Variants in FRMPD4 observed in about 807,000 individuals in gnomAD.
FRMPD4 encodes the protein FERM and PDZ domain containing 4, also known as FERM and PDZ domain-containing protein 4.
In FRMPD4, 22 loss-of-function variants were observed where a neutral mutation model predicts 94.1. That is an observed-to-expected ratio of 0.23 (90% confidence interval 0.17 to 0.33). The LOEUF is 0.33. Among genes scored for constraint, FRMPD4 ranks in the 10% least tolerant of loss-of-function variants. FRMPD4 has a pLI of 1.00. For synonymous variants in FRMPD4, 631 were observed against 548.6 expected (o/e 1.15, Z -2.10); for missense variants, 1,111 against 1,339.9 (o/e 0.83, Z 2.67).
At chrX:12,351,857 T>C (rs144930826) in intron 1 of FRMPD4, among the ~76,000 whole-genome samples, 1,200 of 112,957 alleles carry the variant, frequency 0.011, 11 homozygotes, top group Non-Finnish European at 0.017. Flanking sequence ...GTTATAGAAT[T>C]CTATTGAATG....
intron 1 of FRMPD4, among the ~76,000 whole-genome samples, chrX:12,208,298 A>G (rs1210469536): frequency 9.0e-6 from 1 of 110,824 alleles, no homozygotes; most frequent in Non-Finnish European, 1.9e-5. Flanking sequence ...CCTTGTCTCC[A>G]TAAAAAAGGA....
At chrX:12,315,162 A>C (rs1246368170) in intron 1 of FRMPD4, among the ~76,000 whole-genome samples, 1 of 112,173 alleles carries the variant, frequency 8.9e-6, no homozygotes, top group Non-Finnish European at 1.9e-5. Flanking sequence ...TTATAAATTT[A>C]ACTTGTGCCG....
intron 1 of FRMPD4, among the ~76,000 whole-genome samples, chrX:12,274,725 G>A (rs752450782): frequency 8.9e-6 from 1 of 112,686 alleles, no homozygotes; most frequent in Non-Finnish European, 1.9e-5. Flanking sequence ...AACATGTACA[G>A]AAGGCGGGGC....
At chrX:12,139,282 G>A (rs927222820) in intron 1 of FRMPD4, among the ~76,000 whole-genome samples, 1 of 111,371 alleles carries the variant, frequency 9.0e-6, no homozygotes, top group Non-Finnish European at 1.9e-5. Context: ...CTAAGGAAAA[G>A]CCCCAGCGGT....
At chrX:11,884,247 C>A (rs952603232) in intron 3 of FRMPD4, among the ~76,000 whole-genome samples, 1 of 112,284 alleles carries the variant, frequency 8.9e-6, no homozygotes, top group Non-Finnish European at 1.9e-5. Context: ...ATGTTAATTT[C>A]ACCTTTAAAA....
Position 12,581,785 on chromosome X carries a change from T to A in FRMPD4, c.159-27936T>A, listed in dbSNP as rs1866351. Among the ~76,000 whole-genome samples the A allele has an allele frequency of 3.3e-3, 366 of 112,005 alleles. 1 individual carries two copies. The highest frequency in any genetic ancestry group is 0.014 in the Middle Eastern group (3 of 216). ...TGAGGCCTTTGCATTTGCAGTTCCC[T>A]CTGCCAAGAATGCCCTTCTCTCAGG... On this transcript the variant is annotated intron_variant, in intron 2 of 16. Coordinates refer to ENST00000675598, the MANE Select transcript of FRMPD4 (RefSeq NM_001368397.1).
chrX:12,569,968 G>A (rs951141829), intron 2 of FRMPD4, among the ~76,000 whole-genome samples: 9 of 112,204 alleles, frequency 8.0e-5, no homozygotes, highest in Non-Finnish European at 1.7e-4. Context: ...TCTTAAAAGA[G>A]CTCAAATGTG....
intron 1 of FRMPD4, among the ~76,000 whole-genome samples, chrX:12,287,033 G>A (rs565822342): frequency 3.6e-5 from 4 of 111,897 alleles, no homozygotes; most frequent in East Asian, 2.8e-4. Flanking sequence ...CATAGCTGGG[G>A]CAAGATGCAA....
At chrX:12,479,385 T>TATACACATATATATATACATATATACAC (rs2057645368) in intron 1 of FRMPD4, among the ~76,000 whole-genome samples, 10 of 84,569 alleles carry the variant, frequency 1.2e-4, no homozygotes, top group Middle Eastern at 5.6e-3. Context: ...TATATACACA[T>TATACACATATATATATACATATATACAC]ATATATATAC....
chrX:12,111,685 G>A (rs1355728116), intron 3 of FRMPD4, among the ~76,000 whole-genome samples: 1 of 111,848 alleles, frequency 8.9e-6, no homozygotes, highest in African/African-American at 3.3e-5. Flanking sequence ...ACAAAGGGCT[G>A]CTATCCAGAA....
At chrX:11,850,230 C>T in intron 1 of FRMPD4, among the ~76,000 whole-genome samples, 1 of 112,163 alleles carries the variant, frequency 8.9e-6, no homozygotes, top group Non-Finnish European at 1.9e-5. Context: ...CAATAAGATA[C>T]TACTTACCTA....
At chrX:12,067,845 T>C (rs925633667) in intron 3 of FRMPD4, among the ~76,000 whole-genome samples, 4 of 112,222 alleles carry the variant, frequency 3.6e-5, no homozygotes, top group Non-Finnish European at 7.5e-5. Context: ...AGTACTTAAC[T>C]GTTGTATAGG....
At chrX:11,886,722 C>T (rs1373329487) in intron 3 of FRMPD4, among the ~76,000 whole-genome samples, 1 of 102,370 alleles carries the variant, frequency 9.8e-6, no homozygotes. Flanking sequence ...AAGTCAGCTC[C>T]AGTAATCGTG....
At chrX:12,354,912 G>A (rs187138312) in intron 1 of FRMPD4, among the ~76,000 whole-genome samples, 2 of 112,162 alleles carry the variant, frequency 1.8e-5, no homozygotes, top group African/African-American at 6.5e-5. Context: ...AATTAAAGAC[G>A]TTTGGGGAGA....
Position 12,720,582 on chromosome X carries a change from G to C in FRMPD4, c.4013G>C (p.Trp1338Ser). The part of the protein sequence containing the change: ...KERRGGMPSA[W>S]SQHPEADPIL... ...AGACGAGGAGGCATGCCTTCAGCTT[G>C]GTCTCAACATCCTGAAGCTGATCCC... Residue 1338 changes from tryptophan to serine, a missense_variant, in exon 17 of 17, where the codon TGG becomes TCG. This residue lies in a region of FRMPD4 where 551 missense variants were observed against 591.6 expected (regional missense o/e 0.93). Coordinates refer to ENST00000675598, the MANE Select transcript of FRMPD4 (RefSeq NM_001368397.1). The C allele has an allele frequency of 1.7e-6, 2 of 1,201,701 alleles. No individual in the cohort carries two copies. Among genetic ancestry groups the C allele is most frequent in the Non-Finnish European group, 2.3e-6 (2 of 888,428 alleles).
At chrX:12,528,405 C>T (rs1204423774) in intron 2 of FRMPD4, among the ~76,000 whole-genome samples, 1 of 104,543 alleles carries the variant, frequency 9.6e-6, no homozygotes, top group Admixed American at 1.0e-4. Context: ...ACTGCAACCT[C>T]CACCTTCTGG....
At chrX:11,998,274 G>A (rs922044521) in intron 3 of FRMPD4, among the ~76,000 whole-genome samples, 1 of 111,735 alleles carries the variant, frequency 8.9e-6, no homozygotes, top group African/African-American at 3.3e-5. Context: ...TGCCCTGAGG[G>A]TTGGACATGT....
At chrX:12,384,237 C>A (rs906455672) in intron 1 of FRMPD4, among the ~76,000 whole-genome samples, 1 of 111,894 alleles carries the variant, frequency 8.9e-6, no homozygotes, top group Non-Finnish European at 1.9e-5. Flanking sequence ...AATTTAAGGC[C>A]GGGTATGGTG....
intron 2 of FRMPD4, among the ~76,000 whole-genome samples, chrX:12,503,632 C>G (rs926789391): frequency 9.0e-6 from 1 of 111,727 alleles, no homozygotes; most frequent in Non-Finnish European, 1.9e-5. Flanking sequence ...TGAATAAATA[C>G]AAGTAATTTG....
Sources: gnomAD v4.1 joint callset for allele counts (sites outside exome capture counted in the v4.1 genomes callset) on GRCh38, gnomAD v4.1.1 for gene constraint, gnomAD v4.1.1 regional missense constraint, MANE v1.5 for transcripts, NCBI Gene and HGNC (gene_info 2026-07-23, HGNC 2026-07-21) for gene names.